The following ATP10B variants were observed in gnomAD, a reference collection of about 807,000 sequenced individuals.
The protein encoded by ATP10B is phospholipid-transporting ATPase VB.
Under a neutral mutation model 141.2 loss-of-function variants are expected in ATP10B, and 122 were observed. That is an observed-to-expected ratio of 0.86 (90% CI 0.75 to 1.00). ATP10B has a LOEUF of 1.00. Ranked by LOEUF, ATP10B falls within the 50% of genes least tolerant of loss-of-function variation. The pLI is 0.00. For synonymous variants in ATP10B, 685 were observed against 692.0 expected (o/e 0.99, Z 0.16); for missense variants, 1,876 against 1,825.3 (o/e 1.03, Z -0.51).
Position 160,834,590 on chromosome 5 carries a change from C to T in ATP10B, c.-576+17351G>A, listed in dbSNP as rs573201706. 1.2e-3 allele frequency among the ~76,000 whole-genome samples: 176 copies of T among 152,132 alleles called. 2 individuals are homozygous for T. Among genetic ancestry groups the T allele is most frequent in the African/African-American group, 4.0e-3 (165 of 41,532 alleles). ...GAGATAAATATGGATAAAACTGAAA[C>T]GTACAGATGGGCCAATAGGGAGAAC... On this transcript the variant is annotated intron_variant, in intron 1 of 25. Transcript: ENST00000327245.
the ATP10B span, among the ~76,000 whole-genome samples, chr5:160,907,294 TC>T: frequency 0.034 from 5,139 of 151,144 alleles, 119 homozygotes; most frequent in Middle Eastern, 0.052. Flanking sequence ...TGATTTTTTT[TC>T]TTTAATTTAC....
At chr5:160,738,434 T>C (rs889296792) in intron 2 of ATP10B, among the ~76,000 whole-genome samples, 1 of 152,042 alleles carries the variant, frequency 6.6e-6, no homozygotes, top group Non-Finnish European at 1.5e-5. Flanking sequence ...AGTTTAAAAA[T>C]TGAGGCATAA....
rs934002968 is a variant in ATP10B at position 160,663,317 on chromosome 5, C to T, written c.675+7146G>A. 2.0e-5 allele frequency among the ~76,000 whole-genome samples: 3 copies of T among 152,164 alleles called. 1 individual carries two copies. Among genetic ancestry groups the T allele is most frequent in the African/African-American group, 7.2e-5 (3 of 41,436 alleles). On this transcript the variant is annotated intron_variant, in intron 7 of 25. Coordinates refer to ENST00000327245, the MANE Select transcript of ATP10B (RefSeq NM_025153.3). ...TATACCCAAAGGATTATAAATCATGCTGCTATAAAGACACATGCACATGTA... is the reference window on the plus strand; with the variant it reads ...TATACCCAAAGGATTATAAATCATGTTGCTATAAAGACACATGCACATGTA...
intron 1 of ATP10B, among the ~76,000 whole-genome samples, chr5:160,827,475 T>C (rs1301714393): frequency 6.6e-6 from 1 of 152,252 alleles, no homozygotes; most frequent in Non-Finnish European, 1.5e-5. Context: ...TGTCTGTTCA[T>C]GTCACTTGCC....
At chr5:160,893,893 A>G in the ATP10B span, among the ~76,000 whole-genome samples, 1 of 152,212 alleles carries the variant, frequency 6.6e-6, no homozygotes, top group East Asian at 1.9e-4. Context: ...GGTGATACCC[A>G]GGCAAACAGG....
chr5:160,814,586 C>T lies in ATP10B; in HGVS notation c.-575-28783G>A, dbSNP rs575293525. ...GCAGGATATTATCCAGGAGAACTTC[C>T]CCAATCTAGCAAGGCAGGCCAACAT... On this transcript the variant is annotated intron_variant, in intron 1 of 25. Coordinates refer to ENST00000327245, the MANE Select transcript of ATP10B (RefSeq NM_025153.3). Among the ~76,000 whole-genome samples the T allele has an allele frequency of 2.0e-5, 3 of 151,066 alleles. No homozygotes were observed. The South Asian group carries it at 6.3e-4, about 32-fold the overall frequency.
the ATP10B span, among the ~76,000 whole-genome samples, chr5:160,858,378 G>A: frequency 1.1e-4 from 16 of 151,716 alleles, no homozygotes; most frequent in South Asian, 6.2e-4. Flanking sequence ...TCAGTTTCTC[G>A]TAGAAAGCAT....
intron 2 of ATP10B, among the ~76,000 whole-genome samples, chr5:160,766,454 G>A (rs989120431): frequency 2.0e-5 from 3 of 150,628 alleles, no homozygotes; most frequent in East Asian, 1.9e-4. Context: ...CAACCTGAAC[G>A]GAGTTGGAGA....
intron 1 of ATP10B, among the ~76,000 whole-genome samples, chr5:160,841,817 T>C (rs1241471539): frequency 6.6e-6 from 1 of 152,174 alleles, no homozygotes; most frequent in East Asian, 1.9e-4. Context: ...ATCTGCCTCC[T>C]GGGCACAAGC....
chr5:160,609,263 C>G (rs1023074886), intron 18 of ATP10B, among the ~76,000 whole-genome samples: 1 of 152,016 alleles, frequency 6.6e-6, no homozygotes, highest in Non-Finnish European at 1.5e-5. Flanking sequence ...AAAAAAAGTA[C>G]AAGTCATATA....
At chr5:160,844,549 TG>T (rs1199112723) in intron 1 of ATP10B, among the ~76,000 whole-genome samples, 21 of 151,610 alleles carry the variant, frequency 1.4e-4, no homozygotes, top group Non-Finnish European at 2.7e-4. Flanking sequence ...ATAAATACTT[TG>T]TTTTTTTTTT....
At chr5:160,798,927 C>A (rs957915283) in intron 1 of ATP10B, among the ~76,000 whole-genome samples, 1 of 151,566 alleles carries the variant, frequency 6.6e-6, no homozygotes, top group South Asian at 2.1e-4. Context: ...AATTTTTGTA[C>A]TTTTATTCGA....
intron 13 of ATP10B, among the ~76,000 whole-genome samples, chr5:160,626,006 A>C (rs1758591782): frequency 6.6e-6 from 1 of 152,204 alleles, no homozygotes; most frequent in African/African-American, 2.4e-5. Context: ...TTACCCAGTC[A>C]CCACAGACTT....
At chr5:160,626,812 T>C (rs1345748203) in intron 13 of ATP10B, among the ~76,000 whole-genome samples, 1 of 152,184 alleles carries the variant, frequency 6.6e-6, no homozygotes, top group Admixed American at 6.5e-5. Flanking sequence ...TGGGATGTGT[T>C]CCCACAATGA....
intron 13 of ATP10B, among the ~76,000 whole-genome samples, chr5:160,630,673 T>C (rs542934308): frequency 2.0e-5 from 3 of 152,332 alleles, no homozygotes; most frequent in African/African-American, 7.2e-5. Context: ...TATACACACC[T>C]TGTTATTATC....
Position 160,620,620 on chromosome 5 carries a change from A to G in ATP10B, c.2143T>C (p.Phe715Leu). 6.2e-7 allele frequency: 1 copy of G among 1,613,730 alleles called. No individual in the cohort carries two copies. Among genetic ancestry groups the G allele is most frequent in the Non-Finnish European group, 8.5e-7 (1 of 1,179,704 alleles). Residue 715 changes from phenylalanine (F) to leucine (L), a missense_variant, in exon 15 of 26, where the codon TTC becomes CTC. By Grantham distance (22) the Phe-to-Leu change is conservative (BLOSUM62 0). Coordinates refer to ENST00000327245, the MANE Select transcript of ATP10B (RefSeq NM_025153.3). ...APATDLARPE[F>L]CYEAESPDEA... is the part of the protein sequence containing the mutation. ...TCAGGGCTCTCAGCCTCGTAACAGAACTCAGGCCTGGCCAGGTCTGTGGCT... is the reference window on the plus strand; with the variant it reads ...TCAGGGCTCTCAGCCTCGTAACAGAGCTCAGGCCTGGCCAGGTCTGTGGCT...
rs967222048 is a variant in ATP10B, at chr5:160,569,684, C to G, written c.3751-1G>C. On this transcript the variant is annotated splice_acceptor_variant, in intron 24 of 25. Coordinates refer to ENST00000327245, the MANE Select transcript of ATP10B (RefSeq NM_025153.3). LOFTEE classifies it high-confidence loss of function. ...GGAGCACGACTCCGTGGAAAATGGTCTGTGGAGGGAAATAAGCAAACACTG... is the reference window on the plus strand; with the variant it reads ...GGAGCACGACTCCGTGGAAAATGGTGTGTGGAGGGAAATAAGCAAACACTG... 4 of 1,559,700 alleles carry G rather than the reference C, an allele frequency of 2.6e-6. No homozygotes were observed. The African/African-American group carries it at 5.5e-5, about 21-fold the overall frequency.
intron 6 of ATP10B, among the ~76,000 whole-genome samples, chr5:160,681,286 C>T (rs536967321): frequency 1.3e-5 from 2 of 152,332 alleles, no homozygotes; most frequent in South Asian, 4.1e-4. Flanking sequence ...TCTGTTCTTC[C>T]TCAGTCCATC....
chr5:160,857,341 T>A, the ATP10B span, among the ~76,000 whole-genome samples: 1 of 151,684 alleles, frequency 6.6e-6, no homozygotes, highest in Non-Finnish European at 1.5e-5. Flanking sequence ...TTGTCTATAT[T>A]ATTTTCTTAT....
Sources: allele counts gnomAD v4.1 joint callset (sites outside exome capture counted in the v4.1 genomes callset), GRCh38; gene constraint gnomAD v4.1.1; transcripts MANE v1.5; gene names NCBI Gene and HGNC (gene_info 2026-07-23, HGNC 2026-07-21).